TMOD1: variants seen among roughly 807,000 people sequenced by gnomAD.
The protein encoded by TMOD1 is tropomodulin-1.
Under a neutral mutation model 40.6 loss-of-function variants are expected in TMOD1, and 17 were observed. That is an observed-to-expected ratio of 0.42 (90% CI 0.29 to 0.63). The LOEUF is 0.63. TMOD1 is among the 20% of genes least tolerant of loss of function. TMOD1 has a pLI of 0.22. For synonymous variants in TMOD1, 181 were observed against 175.0 expected (o/e 1.03, Z -0.27); for missense variants, 391 against 447.6 (o/e 0.87, Z 1.14).
intron 2 of TMOD1, among the ~76,000 whole-genome samples, chr9:97,541,985 A>G (rs1830282138): frequency 6.6e-6 from 1 of 152,234 alleles, no homozygotes; most frequent in Non-Finnish European, 1.5e-5. Context: ...ATTTTAATGA[A>G]GTCCAAGTAA....
At chr9:97,582,625 C>CCATT (rs1825782626) in intron 8 of TMOD1, among the ~76,000 whole-genome samples, 1 of 102,130 alleles carries the variant, frequency 9.8e-6, no homozygotes, top group Non-Finnish European at 1.9e-5. Flanking sequence ...ATTCTTCCTA[C>CCATT]CCATGAGCAT....
chr9:97,583,529 G>A (rs1445777258), intron 8 of TMOD1, among the ~76,000 whole-genome samples: 13 of 150,480 alleles, frequency 8.6e-5, no homozygotes, highest in African/African-American at 2.9e-4. Context: ...ATGAGTTAGG[G>A]AGGATTCCGT....
chr9:97,584,095 G>T (rs1188853653), intron 8 of TMOD1, among the ~76,000 whole-genome samples: 8 of 149,220 alleles, frequency 5.4e-5, no homozygotes, highest in Non-Finnish European at 7.5e-5. Flanking sequence ...TGTGATGTTA[G>T]GGTGTCAATT....
rs371277131 is a variant in TMOD1 at position 97,562,711 on chromosome 9, G to A, written c.398-21G>A. 4.2e-5 allele frequency: 64 copies of A among 1,516,916 alleles called. No homozygotes were observed. The African/African-American group carries it at 6.2e-4, about 15-fold the overall frequency. 94.0% of individuals were successfully genotyped at this position (1,516,916 alleles called of 1,614,324 possible). ...TTCTGTCTGCAGAGGCACATCATGA[G>A]CCCTTCCCTTGTCCCTGCAGCGATC... is the stretch of plus-strand genomic sequence containing the variant. On this transcript the variant is annotated intron_variant, in intron 4 of 9. Coordinates refer to ENST00000259365, the MANE Select transcript of TMOD1 (RefSeq NM_003275.4).
At chr9:97,529,085 G>A (rs1232544791) in intron 2 of TMOD1, among the ~76,000 whole-genome samples, 3 of 152,234 alleles carry the variant, frequency 2.0e-5, no homozygotes, top group East Asian at 1.9e-4. Context: ...TGGAGTCCAC[G>A]ACGTAGCCAT....
intron 9 of TMOD1, among the ~76,000 whole-genome samples, chr9:97,598,450 T>A (rs1370868685): frequency 6.6e-6 from 1 of 152,012 alleles, no homozygotes; most frequent in Non-Finnish European, 1.5e-5. Context: ...TAACTAACAT[T>A]CCAGCAGCGT....
chr9:97,591,298 C>A lies in TMOD1; in HGVS notation c.878C>A (p.Pro293His). Residue 293 changes from proline (P) to histidine (H), a missense_variant, in exon 9 of 10, where the codon CCC becomes CAC. By Grantham distance (77) the Pro-to-His change is moderately conservative. Transcript: ENST00000259365. ...VEMKIDNQSQ[P>H]LGNKVEMEIV... ...ATTTTTTCTTGACTAAAGAGCCAGC[C>A]CCTGGGCAACAAAGTGGAAATGGAG... The A allele has an allele frequency of 6.2e-7, 1 of 1,613,596 alleles. No individual in the cohort carries two copies. Among genetic ancestry groups the A allele is most frequent in the Non-Finnish European group, 8.5e-7 (1 of 1,179,836 alleles).
chr9:97,550,144 A>G (rs1304993279), intron 3 of TMOD1, among the ~76,000 whole-genome samples: 1 of 152,188 alleles, frequency 6.6e-6, no homozygotes, highest in Non-Finnish European at 1.5e-5. Context: ...ACAATATGTG[A>G]CTTTGTGTGT....
intron 7 of TMOD1, among the ~76,000 whole-genome samples, chr9:97,567,669 G>A (rs1447452411): frequency 2.6e-5 from 4 of 152,174 alleles, no homozygotes; most frequent in Admixed American, 6.5e-5. Context: ...GACACAGAGA[G>A]GACTCTGGCT....
chr9:97,591,213 G>A, intron 8 of TMOD1, 78 bp from the exon 9 acceptor site: 3 of 1,429,792 alleles, frequency 2.1e-6, no homozygotes, highest in Non-Finnish European at 2.8e-6. Context: ...GTTTCTGCAG[G>A]TAGAGGTGGT....
At chr9:97,505,321 C>T (rs561083619) in intron 1 of TMOD1, among the ~76,000 whole-genome samples, 5 of 152,158 alleles carry the variant, frequency 3.3e-5, no homozygotes, top group African/African-American at 9.7e-5. Context: ...GGCTTGCGTC[C>T]GTCCACGCAT....
chr9:97,562,546 G>T (rs1266060482), intron 4 of TMOD1, among the ~76,000 whole-genome samples, 186 bp from the exon 5 acceptor site: 2 of 152,222 alleles, frequency 1.3e-5, no homozygotes, highest in Non-Finnish European at 2.9e-5. Context: ...AGCCTGGGCT[G>T]GGGCTGGGGA....
At chr9:97,524,497 G>GGTAT (rs1554753949) in intron 2 of TMOD1, among the ~76,000 whole-genome samples, 189 bp downstream of exon 2, 1 of 142,936 alleles carries the variant, frequency 7.0e-6, no homozygotes, top group Non-Finnish European at 1.5e-5. Context: ...GAACCAATAG[G>GGTAT]GTGTGTGTGT....
chr9:97,549,033 G>A (rs1160416016), intron 3 of TMOD1, among the ~76,000 whole-genome samples: 1 of 152,180 alleles, frequency 6.6e-6, no homozygotes, highest in Non-Finnish European at 1.5e-5. Flanking sequence ...TGTGGGAAGA[G>A]CCATAAACTG....
intron 2 of TMOD1, among the ~76,000 whole-genome samples, chr9:97,532,035 C>A (rs1466426875): frequency 6.6e-6 from 1 of 152,178 alleles, no homozygotes; most frequent in African/African-American, 2.4e-5. Flanking sequence ...CAAATCATAT[C>A]CTTTAAGGCA....
chr9:97,533,405 C>T lies in TMOD1; in HGVS notation c.120+9097C>T, dbSNP rs193029981. On this transcript the variant is annotated intron_variant, in intron 2 of 9. Coordinates refer to ENST00000259365, the MANE Select transcript of TMOD1 (RefSeq NM_003275.4). The stretch of plus-strand genomic sequence containing the variant: ...AAGTTTTTTGAGACTGGGAACCATA[C>T]TGTATGGCCACAGATACAGTGCAGC... Among the ~76,000 whole-genome samples, 136 of 152,370 alleles carry T rather than the reference C, an allele frequency of 8.9e-4. 1 individual carries two copies. The highest frequency in any genetic ancestry group is 3.4e-3 in the Middle Eastern group (1 of 294).
At chr9:97,503,290 T>C (rs985491770) in intron 1 of TMOD1, among the ~76,000 whole-genome samples, 6 of 152,324 alleles carry the variant, frequency 3.9e-5, no homozygotes, top group Middle Eastern at 3.4e-3. Flanking sequence ...GAGCACCCGA[T>C]CAATGCCCCC....
At chr9:97,570,435 G>A (rs888958326) in intron 8 of TMOD1, among the ~76,000 whole-genome samples, 8 of 152,222 alleles carry the variant, frequency 5.3e-5, no homozygotes, top group African/African-American at 1.7e-4. Flanking sequence ...TGAGACCAGC[G>A]ATGGCACATT....
chr9:97,594,799 A>G (rs1421154970), intron 9 of TMOD1, among the ~76,000 whole-genome samples: 4 of 152,226 alleles, frequency 2.6e-5, no homozygotes, highest in Non-Finnish European at 5.9e-5. Context: ...TCCCACAGCA[A>G]TACCTCAGAT....
Sources: gnomAD v4.1 joint callset for allele counts (sites outside exome capture counted in the v4.1 genomes callset) on GRCh38, gnomAD v4.1.1 for gene constraint, MANE v1.5 for transcripts, NCBI Gene and HGNC (gene_info 2026-07-23, HGNC 2026-07-21) for gene names.